The following CEP135 variants were observed in gnomAD, a reference collection of about 807,000 sequenced individuals.
CEP135 encodes centrosomal protein 135, also known as centrosomal protein of 135 kDa.
In CEP135, 142 loss-of-function variants were observed where a neutral mutation model predicts 157.3. That is an observed-to-expected ratio of 0.90 (90% CI 0.79 to 1.04). CEP135 has a LOEUF of 1.04. Ranked by LOEUF, CEP135 falls within the 50% of genes least tolerant of loss-of-function variation. The pLI is 0.00. For synonymous variants in CEP135, 396 were observed against 439.8 expected (o/e 0.90, Z 1.25); for missense variants, 1,317 against 1,309.2 (o/e 1.01, Z -0.09).
rs1577864779 is a variant in CEP135, at chr4:55,957,438, C to T, written c.614+74C>T. 2.1e-6 allele frequency: 3 copies of T among 1,426,118 alleles called. No individual in the cohort carries two copies. The East Asian group carries it at 7.0e-5, about 34-fold the overall frequency. The allele number at this position is 1,426,118 out of a possible 1,614,324, so 88.3% of individuals were successfully genotyped here. On this transcript the variant is annotated intron_variant, in intron 5 of 25. Coordinates refer to ENST00000257287, the MANE Select transcript of CEP135 (RefSeq NM_025009.5). Reference sequence around the variant, plus strand: ...AGCTGTAAGTTTCTTGATAGGAGGGCTTTTTTTCTTGTTAACTGTTGTGTC... The same window carrying T: ...AGCTGTAAGTTTCTTGATAGGAGGGTTTTTTTTCTTGTTAACTGTTGTGTC...
chr4:55,962,905 A>G (rs1427146722), intron 6 of CEP135, among the ~76,000 whole-genome samples: 8 of 152,020 alleles, frequency 5.3e-5, no homozygotes, highest in South Asian at 2.1e-4. Flanking sequence ...CTGTGGCTCA[A>G]ACTTCTCTGC....
chr4:55,955,140 G>A (rs1728467598), intron 4 of CEP135, among the ~76,000 whole-genome samples: 1 of 152,120 alleles, frequency 6.6e-6, no homozygotes, highest in Non-Finnish European at 1.5e-5. Context: ...AGCAGGTATG[G>A]GTTGGTGGTA....
intron 9 of CEP135, among the ~76,000 whole-genome samples, chr4:55,970,020 T>C (rs535200695): frequency 3.4e-5 from 5 of 148,378 alleles, no homozygotes; most frequent in Admixed American, 6.9e-5. Flanking sequence ...ACTGCAGGCA[T>C]GTGCCACCGT....
At position 55,965,518 on chromosome 4, in the gene CEP135, T is replaced by C. The variant is rs1728813714; in HGVS notation, c.829-126T>C. ...AAATAACAATATAAATTTGCAAATA[T>C]AAAATAGCTGTAGTTTTAATCTTCA... On this transcript the variant is annotated intron_variant, in intron 7 of 25. Transcript: ENST00000257287. 6.0e-6 allele frequency: 4 copies of C among 663,918 alleles called. No homozygotes were observed. In the East Asian group the frequency reaches 1.1e-4, roughly 19 times the overall value. The allele number at this position is 663,918 out of a possible 1,614,324, so 41.1% of individuals were successfully genotyped here.
chr4:55,991,926 A>T lies in CEP135; in HGVS notation c.1858-8A>T, dbSNP rs1346731710. The T allele has an allele frequency of 1.4e-6, 2 of 1,380,540 alleles. No homozygotes were observed. Among genetic ancestry groups the T allele is most frequent in the Admixed American group, 2.3e-5 (1 of 42,746 alleles). The allele number at this position is 1,380,540 out of a possible 1,614,324, so 85.5% of individuals were successfully genotyped here. ...TATATACCTACTGTTTTTTTATTTAAATTATAGCTTGAAAGCGAAAAATAT... is the reference window on the plus strand; with the variant it reads ...TATATACCTACTGTTTTTTTATTTATATTATAGCTTGAAAGCGAAAAATAT... On this transcript the variant is annotated splice_region_variant and splice_polypyrimidine_tract_variant and intron_variant, in intron 14 of 25. Transcript: ENST00000257287.
chr4:55,986,114 G>C (rs938701100), intron 14 of CEP135, among the ~76,000 whole-genome samples: 1 of 152,150 alleles, frequency 6.6e-6, no homozygotes, highest in African/African-American at 2.4e-5. Flanking sequence ...AATAGTGCTA[G>C]TACTTACTCC....
At chr4:55,954,478 A>G in intron 4 of CEP135, 95 bp downstream of exon 4, 3 of 1,063,586 alleles carry the variant, frequency 2.8e-6, no homozygotes, top group Non-Finnish European at 4.0e-6. Flanking sequence ...TTGGATTTTC[A>G]TGCTTAGACT....
intron 9 of CEP135, among the ~76,000 whole-genome samples, chr4:55,970,630 C>G (rs904504278): frequency 6.6e-6 from 1 of 152,076 alleles, no homozygotes; most frequent in Non-Finnish European, 1.5e-5. Context: ...GAACTGTGAC[C>G]AAGTTTTAGT....
rs1728784980 is a variant in CEP135, at chr4:55,964,553, T to C, written c.828+151T>C. Reference sequence around the variant, plus strand: ...TGGGAAAAATTTGATAGAACCATAGTATCCAGAAATAGGGTGGAGTTATTG... The same window carrying C: ...TGGGAAAAATTTGATAGAACCATAGCATCCAGAAATAGGGTGGAGTTATTG... On this transcript the variant is annotated intron_variant, in intron 7 of 25. Coordinates refer to ENST00000257287, the MANE Select transcript of CEP135 (RefSeq NM_025009.5). 5.7e-6 allele frequency: 3 copies of C among 525,254 alleles called. No individual in the cohort carries two copies. The Admixed American group carries it at 1.1e-4, about 20-fold the overall frequency. 32.5% of individuals were successfully genotyped at this position (525,254 alleles called of 1,614,324 possible).
chr4:56,010,202 A>G (rs1730528192), intron 19 of CEP135, among the ~76,000 whole-genome samples: 2 of 132,358 alleles, frequency 1.5e-5, no homozygotes, highest in African/African-American at 5.4e-5. Flanking sequence ...ATCTCTACTA[A>G]AAATACAAAA....
At chr4:55,965,389 T>C (rs1235676232) in intron 7 of CEP135, 7 of 354,202 alleles carry the variant, frequency 2.0e-5, no homozygotes, top group Non-Finnish European at 3.1e-5. Context: ...TGTATAGAAC[T>C]CTGTATTGGG....
chr4:56,010,296 AG>A (rs1730533407), intron 19 of CEP135, among the ~76,000 whole-genome samples: 1 of 143,148 alleles, frequency 7.0e-6, no homozygotes, highest in African/African-American at 2.6e-5. Context: ...CTGGAGGCAG[AG>A]GTTGCAGTGA....
chr4:55,968,390 T>C (rs1056395440), intron 8 of CEP135, among the ~76,000 whole-genome samples: 1 of 140,438 alleles, frequency 7.1e-6, no homozygotes, highest in African/African-American at 2.7e-5. Context: ...TTTTTTTTTT[T>C]GCAAAAATAG....
chr4:55,997,890 C>T (rs1351396101), intron 15 of CEP135, among the ~76,000 whole-genome samples: 2 of 152,172 alleles, frequency 1.3e-5, no homozygotes, highest in African/African-American at 2.4e-5. Flanking sequence ...GAACCTCACA[C>T]ATAATTTTAG....
chr4:56,023,377 C>T (rs1479818286), intron 24 of CEP135, among the ~76,000 whole-genome samples: 1 of 151,942 alleles, frequency 6.6e-6, no homozygotes, highest in Non-Finnish European at 1.5e-5. Flanking sequence ...GTTAGTAGAA[C>T]CAAATCCCAC....
At position 56,007,292 on chromosome 4, in the gene CEP135, T is replaced by C. The variant is rs140885131; in HGVS notation, c.2281-1035T>C. 1.3e-4 allele frequency among the ~76,000 whole-genome samples: 20 copies of C among 152,336 alleles called. No homozygotes were observed. In the East Asian group the frequency reaches 3.9e-3, roughly 29 times the overall value. On this transcript the variant is annotated intron_variant, in intron 17 of 25. Transcript: ENST00000257287. The stretch of plus-strand genomic sequence containing the variant: ...TTTTCCTAGGTCACTGCCTCCTTTT[T>C]GTCACTAGATGGTGGCTAAAGCCCA...
rs752140135 is a variant in CEP135, at chr4:55,965,689, C to T, written c.874C>T (p.Arg292Ter). The change falls in exon 8 of 26, where the codon CGA (arginine) becomes TGA (stop). Residue 292 changes from arginine to a stop codon, truncating the protein, a stop_gained. Transcript: ENST00000257287. LOFTEE classifies it high-confidence loss of function. The part of the protein sequence containing the change: ...QANKDLEKRI[R>*]ELMETKETVT... ...TAATAAAGACCTGGAGAAGCGTATACGAGAGCTTATGGAAACCAAGGAAAC... is the reference window on the plus strand; with the variant it reads ...TAATAAAGACCTGGAGAAGCGTATATGAGAGCTTATGGAAACCAAGGAAAC... 8.5e-5 allele frequency: 137 copies of T among 1,613,524 alleles called. No individual in the cohort carries two copies. The highest frequency in any genetic ancestry group is 1.1e-4 in the Non-Finnish European group (128 of 1,179,868).
chr4:55,962,723 TA>T (rs1728720246), intron 6 of CEP135, among the ~76,000 whole-genome samples: 2 of 146,102 alleles, frequency 1.4e-5, no homozygotes, highest in African/African-American at 2.6e-5. Context: ...TTCTTTTTTT[TA>T]AGCCTCTTTT....
At chr4:56,016,628 A>T (rs1202866626) in intron 21 of CEP135, among the ~76,000 whole-genome samples, 1 of 152,154 alleles carries the variant, frequency 6.6e-6, no homozygotes, top group Non-Finnish European at 1.5e-5. Flanking sequence ...CAATTTTTGA[A>T]ATTGATTAAA....
Sources: gnomAD v4.1 joint callset for allele counts (sites outside exome capture counted in the v4.1 genomes callset) on GRCh38, gnomAD v4.1.1 for gene constraint, MANE v1.5 for transcripts, NCBI Gene and HGNC (gene_info 2026-07-23, HGNC 2026-07-21) for gene names.